KCNMB2: variants seen among roughly 807,000 people sequenced by gnomAD.
The protein encoded by KCNMB2 is calcium-activated potassium channel subunit beta-2.
Under a neutral mutation model 24.5 loss-of-function variants are expected in KCNMB2, and 9 were observed. The ratio of observed to expected loss-of-function variants is 0.37; its 90% CI spans 0.22 to 0.64. The LOEUF is 0.64. Among genes scored for constraint, KCNMB2 ranks in the 30% least tolerant of loss-of-function variants. The pLI, the probability that KCNMB2 is intolerant of heterozygous loss-of-function variation, is 0.63. For missense variants in KCNMB2, 226 were observed against 284.3 expected, an observed-to-expected ratio of 0.79 and a Z score of 1.47; for synonymous variants, 109 against 104.4, an observed-to-expected ratio of 1.04 and a Z score of -0.27.
At chr3:178,649,376 A>G (rs1284515633) in intron 1 of KCNMB2, among the ~76,000 whole-genome samples, 3 of 152,102 alleles carry the variant, frequency 2.0e-5, no homozygotes, top group Non-Finnish European at 4.4e-5. Context: ...AGCTTTTTGC[A>G]TATTATGTGA....
At chr3:178,753,667 T>C (rs1723923964) in intron 1 of KCNMB2, among the ~76,000 whole-genome samples, 1 of 152,182 alleles carries the variant, frequency 6.6e-6, no homozygotes, top group South Asian at 2.1e-4. Context: ...TATATTTTAA[T>C]TGATAACTAA....
intron 1 of KCNMB2, among the ~76,000 whole-genome samples, chr3:178,538,847 CACAAATT>C (rs1180458726): frequency 1.3e-5 from 2 of 152,046 alleles, no homozygotes; most frequent in Non-Finnish European, 2.9e-5. Context: ...TACTTTATAT[CACAAATT>C]AATTTTATTG....
chr3:178,630,550 T>C (rs991006682), intron 1 of KCNMB2, among the ~76,000 whole-genome samples: 10 of 152,244 alleles, frequency 6.6e-5, no homozygotes, highest in African/African-American at 2.2e-4. Context: ...GTCTGGAATA[T>C]TACAAATTCT....
At chr3:178,569,476 A>G (rs895616591) in intron 1 of KCNMB2, among the ~76,000 whole-genome samples, 20 of 152,196 alleles carry the variant, frequency 1.3e-4, no homozygotes, top group Admixed American at 2.6e-4. Context: ...TAGAAGAAAC[A>G]AAATAATAGA....
At chr3:178,680,707 T>C (rs528626650) in intron 1 of KCNMB2, among the ~76,000 whole-genome samples, 1 of 152,290 alleles carries the variant, frequency 6.6e-6, no homozygotes, top group South Asian at 2.1e-4. Context: ...CTCTCCTGGT[T>C]TTGCTCACTC....
intron 1 of KCNMB2, among the ~76,000 whole-genome samples, chr3:178,680,856 C>T (rs1295817706): frequency 6.6e-6 from 1 of 152,126 alleles, no homozygotes; most frequent in African/African-American, 2.4e-5. Context: ...AGGAACGGGG[C>T]CCCCAGATTC....
chr3:178,762,981 G>A (rs926692421), intron 1 of KCNMB2, among the ~76,000 whole-genome samples: 1 of 152,058 alleles, frequency 6.6e-6, no homozygotes, highest in Non-Finnish European at 1.5e-5. Flanking sequence ...TAGAGTTTAG[G>A]AGACAAATCC....
At chr3:178,758,730 C>A (rs1471669638) in intron 1 of KCNMB2, among the ~76,000 whole-genome samples, 1 of 35,640 alleles carries the variant, frequency 2.8e-5, no homozygotes, top group Non-Finnish European at 5.0e-5. Flanking sequence ...ATATATATCT[C>A]CAAGAGGAGA....
chr3:178,611,138 A>C (rs1294812735), intron 1 of KCNMB2, among the ~76,000 whole-genome samples: 1 of 152,028 alleles, frequency 6.6e-6, no homozygotes, highest in Non-Finnish European at 1.5e-5. Context: ...GAGACTTTTT[A>C]TTACAGCTTT....
At chr3:178,694,925 C>T (rs1721820849) in intron 1 of KCNMB2, among the ~76,000 whole-genome samples, 1 of 152,196 alleles carries the variant, frequency 6.6e-6, no homozygotes, top group Non-Finnish European at 1.5e-5. Flanking sequence ...CAGGCAGTGC[C>T]CCAGTGGGAA....
intron 1 of KCNMB2, among the ~76,000 whole-genome samples, chr3:178,726,335 G>GA (rs1444115712): frequency 1.3e-5 from 2 of 151,800 alleles, no homozygotes; most frequent in East Asian, 1.9e-4. Context: ...AATTCAAGAG[G>GA]AAAAAAATAA....
At chr3:178,607,313 G>A (rs1045983766) in intron 1 of KCNMB2, among the ~76,000 whole-genome samples, 2 of 152,204 alleles carry the variant, frequency 1.3e-5, no homozygotes, top group African/African-American at 2.4e-5. Context: ...ATGTGGAAAG[G>A]CTAAGTTGAT....
intron 1 of KCNMB2, among the ~76,000 whole-genome samples, chr3:178,624,662 A>T (rs1719045269): frequency 7.4e-6 from 1 of 134,978 alleles, no homozygotes; most frequent in African/African-American, 2.8e-5. Context: ...TTATATTTTC[A>T]TGGTTCACAC....
At chr3:178,591,437 C>T (rs530147353) in intron 1 of KCNMB2, among the ~76,000 whole-genome samples, 59 of 152,260 alleles carry the variant, frequency 3.9e-4, no homozygotes, top group Non-Finnish European at 6.9e-4. Context: ...AAACGAGGAA[C>T]TCATGGTTTC....
intron 1 of KCNMB2, among the ~76,000 whole-genome samples, chr3:178,737,683 A>T (rs555001966): frequency 2.6e-5 from 4 of 152,336 alleles, no homozygotes; most frequent in Admixed American, 2.0e-4. Context: ...AGTGCTGGAA[A>T]CAAAGAATGT....
At chr3:178,646,039 A>G (rs1206004636) in intron 1 of KCNMB2, among the ~76,000 whole-genome samples, 1 of 152,134 alleles carries the variant, frequency 6.6e-6, no homozygotes, top group Non-Finnish European at 1.5e-5. Flanking sequence ...ATCTGCATAC[A>G]GTTACCTGCA....
intron 1 of KCNMB2, among the ~76,000 whole-genome samples, chr3:178,551,930 T>C (rs146540491): frequency 6.6e-6 from 1 of 152,262 alleles, no homozygotes; most frequent in Non-Finnish European, 1.5e-5. Context: ...TCTCCCTAGG[T>C]ACCAGTGTGC....
At chr3:178,715,547 T>G (rs1196583431) in intron 1 of KCNMB2, among the ~76,000 whole-genome samples, 1 of 152,044 alleles carries the variant, frequency 6.6e-6, no homozygotes, top group Non-Finnish European at 1.5e-5. Context: ...ATCTACTGTT[T>G]CAAGGAGGAA....
chr3:178,839,487 GATAC>G (rs1476384345), intron 4 of KCNMB2, among the ~76,000 whole-genome samples: 1 of 152,116 alleles, frequency 6.6e-6, no homozygotes, highest in African/African-American at 2.4e-5. Context: ...AAAATCCAAA[GATAC>G]AAGTGTGTAT....
Sources: gnomAD v4.1 joint callset for allele counts (sites outside exome capture counted in the v4.1 genomes callset) on GRCh38, gnomAD v4.1.1 for gene constraint, MANE v1.5 for transcripts, NCBI Gene and HGNC (gene_info 2026-07-23, HGNC 2026-07-21) for gene names.